The following HIP1 variants were observed in gnomAD, a reference collection of about 807,000 sequenced individuals.
HIP1 encodes huntingtin interacting protein 1, also known as huntingtin-interacting protein 1.
In HIP1, 65 loss-of-function variants were observed where a neutral mutation model predicts 147.6. That is an observed-to-expected ratio of 0.44 (90% CI 0.36 to 0.54). The LOEUF (loss-of-function observed/expected upper bound fraction) is 0.54, where lower values mean the gene tolerates loss of function less well. Ranked by LOEUF, HIP1 falls within the 20% of genes least tolerant of loss-of-function variation. The pLI is 0.00. For missense variants in HIP1, 1,061 were observed against 1,299.6 expected (o/e 0.82, Z 2.82); for synonymous variants, 479 against 504.0 (o/e 0.95, Z 0.67).
intron 1 of HIP1, among the ~76,000 whole-genome samples, chr7:75,683,112 G>C (rs782111841): frequency 1.7e-4 from 26 of 152,026 alleles, no homozygotes; most frequent in Non-Finnish European, 7.4e-5. Flanking sequence ...CTCCCGAGCA[G>C]CTGGGACTAC....
chr7:75,564,011 C>G (rs1563205884), intron 9 of HIP1, among the ~76,000 whole-genome samples: 1 of 152,084 alleles, frequency 6.6e-6, no homozygotes. Flanking sequence ...TCTGCCTCAG[C>G]CTCCTGAGTA....
At position 75,546,888 on chromosome 7, in the gene HIP1, G is replaced by A. The variant is rs377452278; in HGVS notation, c.2559+51C>T. 8.5e-5 allele frequency: 109 copies of A among 1,279,558 alleles called. 1 individual carries two copies. In the South Asian group the frequency reaches 1.2e-3, roughly 14 times the overall value. The allele number at this position is 1,279,558 out of a possible 1,614,324, so 79.3% of individuals were successfully genotyped here. ...CATCACAGAGTCCGTTGGAGCGGGAGTCTGTCACCAATGCCTCCTCTTCCT... is the reference window on the plus strand; with the variant it reads ...CATCACAGAGTCCGTTGGAGCGGGAATCTGTCACCAATGCCTCCTCTTCCT... On this transcript the variant is annotated intron_variant, in intron 25 of 30. Coordinates refer to ENST00000336926, the MANE Select transcript of HIP1 (RefSeq NM_005338.7).
rs201785568 is a variant in HIP1 at position 75,539,327 on chromosome 7, T to C, written c.3057A>G (p.Glu1019=). 9.3e-5 allele frequency: 150 copies of C among 1,613,170 alleles called. No homozygotes were observed. Among genetic ancestry groups the C allele is most frequent in the Non-Finnish European group, 1.1e-4 (128 of 1,179,214 alleles). Residue 1019 remains glutamate, a synonymous_variant, in exon 30 of 31, where the codon GAA becomes GAG. Coordinates refer to ENST00000336926, the MANE Select transcript of HIP1 (RefSeq NM_005338.7). ...YELAGVAEGW[E]EGTEASPPTL... ...CCATCCTTGGAGTCAGCTTACCTTC[T>C]TCCCAGCCCTCAGCAACACCAGCAA... is the stretch of plus-strand genomic sequence containing the variant.
At chr7:75,672,001 C>T (rs545570993) in intron 1 of HIP1, among the ~76,000 whole-genome samples, 3 of 152,322 alleles carry the variant, frequency 2.0e-5, no homozygotes, top group East Asian at 3.9e-4. Flanking sequence ...TCCCAAAGTG[C>T]TGGGATTACA....
rs587677477 is a variant in HIP1 at position 75,547,961 on chromosome 7, C to T, written c.2407-148G>A. The T allele has an allele frequency of 1.7e-4, 127 of 742,040 alleles. 2 individuals carry two copies. The South Asian group carries it at 1.9e-3, about 11-fold the overall frequency. The allele number at this position is 742,040 out of a possible 1,614,324, so 46.0% of individuals were successfully genotyped here. A position where few individuals can be genotyped will look rare whatever the true frequency, so the allele number is the denominator to read the frequency against. On this transcript the variant is annotated intron_variant, in intron 23 of 30. Coordinates refer to ENST00000336926, the MANE Select transcript of HIP1 (RefSeq NM_005338.7). Reference sequence around the variant, plus strand: ...TCCCTGCCCACATTCTTGAGAGAGTCAGAAAAGAATCCAGACTCTAACCTA... The same window carrying T: ...TCCCTGCCCACATTCTTGAGAGAGTTAGAAAAGAATCCAGACTCTAACCTA...
chr7:75,556,154 C>T lies in HIP1; in HGVS notation c.1699G>A (p.Ala567Thr), dbSNP rs1393418158. The change falls in exon 18 of 31, where the codon GCA becomes ACA. Residue 567 changes from alanine to threonine, a missense_variant. Physicochemically the swap from Ala to Thr is moderately conservative, Grantham distance 58. This residue lies in a region of HIP1 where 810 missense variants were observed against 946.8 expected (regional missense o/e 0.86). Transcript: ENST00000336926. ...ETSAQSEANW[A>T]AEFAELEKER... ...TTCTCTAGCTCGGCGAACTCGGCTG[C>T]CCAGTTTGCTTCTGACTGCAAAGGT... is the stretch of plus-strand genomic sequence containing the variant. 3 of 1,613,984 alleles carry T rather than the reference C, an allele frequency of 1.9e-6. No homozygotes were observed. Among genetic ancestry groups the T allele is most frequent in the African/African-American group, 1.3e-5 (1 of 74,928 alleles).
In HIP1 at chr7:75,553,506, C is replaced by G. The variant is rs1554492531; in HGVS notation, c.2242G>C (p.Ala748Pro). The stretch of plus-strand genomic sequence containing the variant: ...CAGTTCCTCATGGCTGTGCTGTCGG[C>G]ATTCTCAAGGCTTCCCTCTTCCTCC... ...SLEEEGSLEN[A>P]DSTAMRNCLS... is the part of the protein sequence containing the mutation. Residue 748 changes from alanine to proline, a missense_variant, in exon 22 of 31, where the codon GCC becomes CCC. Coordinates refer to ENST00000336926, the MANE Select transcript of HIP1 (RefSeq NM_005338.7). 5.0e-6 allele frequency: 8 copies of G among 1,614,200 alleles called. No individual in the cohort carries two copies. Among genetic ancestry groups the G allele is most frequent in the Non-Finnish European group, 6.8e-6 (8 of 1,180,028 alleles).
At chr7:75,670,850 C>T (rs779913211) in intron 1 of HIP1, among the ~76,000 whole-genome samples, 69 of 136,266 alleles carry the variant, frequency 5.1e-4, no homozygotes, top group African/African-American at 1.7e-3. Context: ...TCAAACTCTT[C>T]GGCTTAAGCG....
At chr7:75,684,049 C>G (rs1227542887) in intron 1 of HIP1, among the ~76,000 whole-genome samples, 2 of 151,630 alleles carry the variant, frequency 1.3e-5, no homozygotes, top group Non-Finnish European at 2.9e-5. Context: ...GAGGCTGAGG[C>G]GGGAGGATTG....
At chr7:75,613,178 G>T (rs1797509110) in intron 1 of HIP1, among the ~76,000 whole-genome samples, 1 of 152,126 alleles carries the variant, frequency 6.6e-6, no homozygotes, top group African/African-American at 2.4e-5. Flanking sequence ...TTGCAGTACA[G>T]GTGGCAATAG....
At position 75,595,283 on chromosome 7, in the gene HIP1, C is replaced by CCTTTCTTTCTTTCTTTTTCTCT. The variant is rs1345502910; in HGVS notation, c.185-2770_185-2769insAGAGAAAAAGAAAGAAAGAAAG. Among the ~76,000 whole-genome samples, 457 of 83,432 alleles carry CCTTTCTTTCTTTCTTTTTCTCT rather than the reference C, an allele frequency of 5.5e-3. 20 individuals carry two copies. The highest frequency in any genetic ancestry group is 0.032 in the African/African-American group (428 of 13,422). 54.7% of individuals were successfully genotyped at this position (83,432 alleles called of 152,430 possible). ...TCCTTCCTTCCTTCCTTCCTTCCTT[C>CCTTTCTTTCTTTCTTTTTCTCT]CTTTCTTTCTTTCTCTCTCTCCCTT... is the stretch of plus-strand genomic sequence containing the variant. On this transcript the variant is annotated intron_variant, in intron 2 of 30. Transcript: ENST00000336926.
intron 7 of HIP1, among the ~76,000 whole-genome samples, chr7:75,579,664 C>T (rs948615383): frequency 6.6e-6 from 1 of 152,116 alleles, no homozygotes; most frequent in Non-Finnish European, 1.5e-5. Context: ...GTTGCCCTGT[C>T]CCAGCCATCG....
intron 17 of HIP1, 81 bp from the exon 18 acceptor site, chr7:75,556,250 C>T (rs896273069): frequency 1.1e-5 from 16 of 1,512,460 alleles, no homozygotes; most frequent in East Asian, 2.3e-5. Context: ...AACCCACCAC[C>T]GGGTTGCAAG....
At chr7:75,675,920 G>T (rs1204266196) in intron 1 of HIP1, among the ~76,000 whole-genome samples, 3 of 152,152 alleles carry the variant, frequency 2.0e-5, no homozygotes, top group African/African-American at 7.2e-5. Flanking sequence ...TAAATAAATT[G>T]TCGAATAATT....
rs1177166489 is a variant in HIP1 at position 75,592,079 on chromosome 7, A to G, written c.361T>C (p.Leu121=). The part of the protein sequence containing the change: ...LKDSLRYRNE[L]SDMSRMWGHL... ...ACCCACATCCTGCTCATGTCACTCA[A>G]TTCATTTCTGTATCTCAGAGAGTCC... Residue 121 remains leucine (L), a synonymous_variant, in exon 4 of 31, where the codon TTG becomes CTG. Coordinates refer to ENST00000336926, the MANE Select transcript of HIP1 (RefSeq NM_005338.7). The G allele has an allele frequency of 3.1e-6, 5 of 1,614,020 alleles. No individual in the cohort carries two copies. The African/African-American group carries it at 5.3e-5, about 17-fold the overall frequency.
At chr7:75,647,026 G>T (rs1334071888) in intron 1 of HIP1, among the ~76,000 whole-genome samples, 1 of 151,888 alleles carries the variant, frequency 6.6e-6, no homozygotes, top group African/African-American at 2.4e-5. Flanking sequence ...AAGAGGGAGG[G>T]CTTAGAGGCT....
intron 1 of HIP1, chr7:75,654,428 G>C (rs1292992353): frequency 6.6e-6 from 1 of 152,220 alleles, no homozygotes; most frequent in Non-Finnish European, 1.5e-5. Context: ...TCACATGTCT[G>C]ATTCATTCAT....
intron 5 of HIP1, among the ~76,000 whole-genome samples, chr7:75,585,118 G>A (rs1348871956): frequency 2.6e-5 from 4 of 151,500 alleles, no homozygotes; most frequent in African/African-American, 9.7e-5. Flanking sequence ...CCATTGTGTG[G>A]AGATTAGAGG....
At chr7:75,639,194 G>C (rs1365300395) in intron 1 of HIP1, 38 of 983,092 alleles carry the variant, frequency 3.9e-5, no homozygotes, top group Non-Finnish European at 4.3e-5. Flanking sequence ...CCGCGGACCG[G>C]GGCAGGCGGC....
Sources: gnomAD v4.1 joint callset for allele counts (sites outside exome capture counted in the v4.1 genomes callset) on GRCh38, gnomAD v4.1.1 for gene constraint, gnomAD v4.1.1 regional missense constraint, MANE v1.5 for transcripts, NCBI Gene and HGNC (gene_info 2026-07-23, HGNC 2026-07-21) for gene names.